SNF8: variants seen among roughly 807,000 people sequenced by gnomAD.
SNF8 encodes the protein SNF8 subunit of ESCRT-II, also known as vacuolar-sorting protein SNF8.
SNF8 carries 19 observed loss-of-function variants against 36.8 expected under a neutral mutation model. The ratio of observed to expected loss-of-function variants is 0.52; its 90% CI spans 0.36 to 0.76. SNF8 has a LOEUF of 0.76. Among genes scored for constraint, SNF8 ranks in the 30% least tolerant of loss-of-function variants. SNF8 has a pLI of 0.00. For missense variants in SNF8, 268 were observed against 322.9 expected, an observed-to-expected ratio of 0.83 and a Z score of 1.30; for synonymous variants, 127 against 127.4, an observed-to-expected ratio of 1.00 and a Z score of 0.02.
At chr17:48,940,070 C>CT (rs2040996964) in intron 3 of SNF8, among the ~76,000 whole-genome samples, 1 of 56,582 alleles carries the variant, frequency 1.8e-5, no homozygotes, top group African/African-American at 4.5e-5. Flanking sequence ...GCAAGACTGT[C>CT]TCAAAAAAAA....
At chr17:48,934,965 T>C (rs2040913114) in intron 5 of SNF8, among the ~76,000 whole-genome samples, 1 of 152,202 alleles carries the variant, frequency 6.6e-6, no homozygotes, top group African/African-American at 2.4e-5. Context: ...GACTCGCACA[T>C]AGAGGCTGGA....
In SNF8 at chr17:48,941,010, T is replaced by C. The variant is rs778249247; in HGVS notation, c.158A>G (p.Lys53Arg). Residue 53 changes from lysine to arginine, a missense_variant, in exon 3 of 8, where the codon AAA becomes AGA. Coordinates refer to ENST00000502492, the MANE Select transcript of SNF8 (RefSeq NM_007241.4). ...FKTNLEEFAS[K>R]HKQEIRKNPE... Reference sequence around the variant, plus strand: ...ATTCTTCCGGATCTCCTGCTTGTGTTTGCTGGCAAATTCCTCCAGGTTGGT... The same window carrying C: ...ATTCTTCCGGATCTCCTGCTTGTGTCTGCTGGCAAATTCCTCCAGGTTGGT... 1.2e-6 allele frequency: 2 copies of C among 1,613,890 alleles called. No individual in the cohort carries two copies. Among genetic ancestry groups the C allele is most frequent in the South Asian group, 1.1e-5 (1 of 91,070 alleles).
At chr17:48,938,137 G>A (rs143512549) in intron 3 of SNF8, among the ~76,000 whole-genome samples, 2 of 152,160 alleles carry the variant, frequency 1.3e-5, no homozygotes, top group East Asian at 3.9e-4. Context: ...TGTTCTGTGA[G>A]TTACCAGGAG....
chr17:48,942,424 T>G (rs1567790090), intron 2 of SNF8, among the ~76,000 whole-genome samples: 1 of 152,032 alleles, frequency 6.6e-6, no homozygotes, highest in Admixed American at 6.6e-5. Flanking sequence ...GAGTGGGTGC[T>G]TTTGAAGAGC....
At position 48,931,655 on chromosome 17, in the gene SNF8, C is replaced by T. The variant is rs774198436; in HGVS notation, c.627G>A (p.Ala209=). Reference sequence around the variant, plus strand: ...CAAAGTTGCATACCAGCACTTGCCGCGCTCGCTCGGTCTCCCATTTAAGAC... The same window carrying T: ...CAAAGTTGCATACCAGCACTTGCCGTGCTCGCTCGGTCTCCCATTTAAGAC... The part of the protein sequence containing the change: ...KASLKWETER[A]RQVLEHLLKE... The change falls in exon 7 of 8, where the codon GCG becomes GCA. Residue 209 remains alanine, a synonymous_variant. Transcript: ENST00000502492. 10 of 1,613,206 alleles carry T rather than the reference C, an allele frequency of 6.2e-6. No individual in the cohort carries two copies. Among genetic ancestry groups the T allele is most frequent in the Admixed American group, 3.3e-5 (2 of 59,902 alleles).
At chr17:48,943,302 T>C (rs2041058310) in intron 2 of SNF8, among the ~76,000 whole-genome samples, 1 of 151,796 alleles carries the variant, frequency 6.6e-6, no homozygotes, top group Admixed American at 6.6e-5. Context: ...AAACCCTGCC[T>C]CTACAAAAAA....
chr17:48,942,875 C>CT (rs869027779), intron 2 of SNF8, among the ~76,000 whole-genome samples: 5 of 50,096 alleles, frequency 1.0e-4, no homozygotes, highest in South Asian at 6.3e-4. Context: ...TTTTTTTTTG[C>CT]TTTTTTTTGA....
At chr17:48,938,742 G>A (rs1443071336) in intron 3 of SNF8, among the ~76,000 whole-genome samples, 4 of 151,344 alleles carry the variant, frequency 2.6e-5, no homozygotes, top group African/African-American at 9.7e-5. Context: ...GGTGGCACAT[G>A]CCTATAGTCC....
Position 48,930,598 on chromosome 17 carries a change from C to G in SNF8, c.654G>C (p.Lys218Asn), listed in dbSNP as rs2040843810. ...RARQVLEHLL[K>N]EGLAWLDLQA... ...GTAAGTCCAGCCACGCCAACCCTTC[C>G]TTCAGCAGGTGTTCCTGGAGGGAAA... Residue 218 changes from lysine to asparagine, a missense_variant, in exon 8 of 8, where the codon AAG becomes AAC. Lys to Asn is a moderately conservative substitution (Grantham distance 94, BLOSUM62 0). Coordinates refer to ENST00000502492, the MANE Select transcript of SNF8 (RefSeq NM_007241.4). The G allele has an allele frequency of 6.2e-7, 1 of 1,613,624 alleles. No homozygotes were observed. The highest frequency in any genetic ancestry group is 8.5e-7 in the Non-Finnish European group (1 of 1,179,840).
At chr17:48,938,077 C>T (rs1268631787) in intron 3 of SNF8, among the ~76,000 whole-genome samples, 1 of 152,020 alleles carries the variant, frequency 6.6e-6, no homozygotes. Flanking sequence ...ATGGTCTAGA[C>T]AAGACTAAGA....
intron 6 of SNF8, 175 bp downstream of exon 6, chr17:48,933,030 T>C: frequency 1.6e-6 from 1 of 625,510 alleles, no homozygotes; most frequent in Non-Finnish European, 2.7e-6. Context: ...GCCCAGTGCT[T>C]TGCACTGTAG....
At position 48,944,702 on chromosome 17, in the gene SNF8, G is replaced by A; in HGVS notation, c.33C>T (p.Ile11=). 1.9e-6 allele frequency: 3 copies of A among 1,612,208 alleles called. No individual in the cohort carries two copies. The highest frequency in any genetic ancestry group is 2.5e-6 in the Non-Finnish European group (3 of 1,179,276). The change falls in exon 1 of 8, where the codon ATC becomes ATT. Residue 11 remains isoleucine (I), a synonymous_variant. Transcript: ENST00000502492. ...TCACCTCTGCAAGTTTCTTCTTGGC[G>A]ATGGCGCCAGCTCCCACCCCGCGGC... MHRRGVGAGA[I]AKKKLAEAKY... is the part of the protein sequence containing the mutation.
chr17:48,937,036 C>T lies in SNF8; in HGVS notation c.333G>A (p.Leu111=), dbSNP rs2040944389. Residue 111 remains leucine (L), a synonymous_variant, in exon 4 of 8, where the codon CTG becomes CTA. Coordinates refer to ENST00000502492, the MANE Select transcript of SNF8 (RefSeq NM_007241.4). The part of the protein sequence containing the change: ...GVQIIEVCLA[L]KHRNGGLITL... ...CACCCTCACCTCCATTCCGATGCTT[C>T]AGCGCCAGGCACACTTCGATAATTT... is the stretch of plus-strand genomic sequence containing the variant. 1.2e-6 allele frequency: 2 copies of T among 1,613,836 alleles called. No individual in the cohort carries two copies. Among genetic ancestry groups the T allele is most frequent in the Admixed American group, 3.3e-5 (2 of 59,978 alleles).
intron 3 of SNF8, among the ~76,000 whole-genome samples, chr17:48,940,522 G>A (rs919927668): frequency 6.6e-6 from 1 of 151,956 alleles, no homozygotes; most frequent in Admixed American, 6.6e-5. Flanking sequence ...CAGGCGCAGT[G>A]GCTCATGCAG....
intron 3 of SNF8, among the ~76,000 whole-genome samples, chr17:48,937,494 G>A (rs1177399865): frequency 6.6e-6 from 1 of 152,138 alleles, no homozygotes; most frequent in Non-Finnish European, 1.5e-5. Context: ...GCCAGGAGTG[G>A]TGGCGTGCGC....
In SNF8 at chr17:48,937,255, G is replaced by T. The variant is rs746516664; in HGVS notation, c.245-131C>A. 7.0e-5 allele frequency: 54 copies of T among 771,064 alleles called. 2 individuals are homozygous for T. Among genetic ancestry groups the T allele is most frequent in the South Asian group, 6.9e-4 (49 of 70,684 alleles). The allele number at this position is 771,064 out of a possible 1,614,324, so 47.8% of individuals were successfully genotyped here. On this transcript the variant is annotated intron_variant, in intron 3 of 7. Coordinates refer to ENST00000502492, the MANE Select transcript of SNF8 (RefSeq NM_007241.4). ...GGCATGAAGTTCTTCTGCTCCATCT[G>T]CTACTCAGGAAACAATCGGACTCAC...
At chr17:48,931,024 T>C (rs1002928392) in intron 7 of SNF8, among the ~76,000 whole-genome samples, 2 of 152,198 alleles carry the variant, frequency 1.3e-5, no homozygotes, top group Non-Finnish European at 2.9e-5. Flanking sequence ...TATGCAAGAA[T>C]AGACTCAGTT....
intron 6 of SNF8, 129 bp from the exon 7 acceptor site, chr17:48,931,846 A>C: frequency 1.5e-6 from 1 of 682,746 alleles, no homozygotes. Context: ...GAACACAGAA[A>C]ATGTTTAAAG....
intron 3 of SNF8, among the ~76,000 whole-genome samples, chr17:48,940,512 C>T (rs2041003881): frequency 6.6e-6 from 1 of 151,920 alleles, no homozygotes; most frequent in South Asian, 2.1e-4. Flanking sequence ...CACCCTTGGC[C>T]AGGCGCAGTG....
Sources: allele counts gnomAD v4.1 joint callset (sites outside exome capture counted in the v4.1 genomes callset), GRCh38; gene constraint gnomAD v4.1.1; transcripts MANE v1.5; gene names NCBI Gene and HGNC (gene_info 2026-07-23, HGNC 2026-07-21).